Variants in PHLDB1 observed in about 807,000 individuals in gnomAD.
PHLDB1 encodes pleckstrin homology like domain family B member 1.
PHLDB1 carries 65 observed loss-of-function variants against 139.3 expected under a neutral mutation model. The observed-to-expected ratio is 0.47, with a 90% CI of 0.38 to 0.57. The LOEUF (loss-of-function observed/expected upper bound fraction) is 0.57, where lower values mean the gene tolerates loss of function less well. Among genes scored for constraint, PHLDB1 ranks in the 20% least tolerant of loss-of-function variants. The pLI, the probability that PHLDB1 is intolerant of heterozygous loss-of-function variation, is 0.00. For synonymous variants in PHLDB1, 679 were observed against 734.5 expected (o/e 0.92, Z 1.22); for missense variants, 1,624 against 1,839.7 (o/e 0.88, Z 2.14).
chr11:118,647,981 C>T lies in PHLDB1; in HGVS notation c.3559C>T (p.Arg1187Cys), dbSNP rs782373822. 48 of 1,599,138 alleles carry T rather than the reference C, an allele frequency of 3.0e-5. No homozygotes were observed. In the African/African-American group the frequency reaches 5.5e-4, roughly 18 times the overall value. ...RQALEEERRR[R>C]EQVERRLQSE... ...GGCCCTGGAGGAGGAGCGGCGGAGG[C>T]GTGAGCAGGTAGAACGGAGGCTGCA... Residue 1187 changes from arginine (R) to cysteine (C), a missense_variant, in exon 18 of 23, where the codon CGT becomes TGT. Transcript: ENST00000600882.
chr11:118,642,110 C>T (rs2136591314), intron 12 of PHLDB1, 144 bp from the exon 13 acceptor site: 1 of 776,496 alleles, frequency 1.3e-6, no homozygotes, highest in South Asian at 1.5e-5. Flanking sequence ...CCTGATGTGG[C>T]CTTCCTTTTT....
intron 12 of PHLDB1, chr11:118,641,299 C>T (rs1946472583): frequency 6.4e-6 from 1 of 156,778 alleles, no homozygotes; most frequent in East Asian, 1.9e-4. Context: ...CCCCTTGGGC[C>T]TGGGTGGAGC....
intron 18 of PHLDB1, among the ~76,000 whole-genome samples, chr11:118,648,664 C>T (rs576686983): frequency 3.3e-5 from 5 of 152,288 alleles, no homozygotes; most frequent in South Asian, 2.1e-4. Context: ...AGTTTCTCTT[C>T]GGGACAGAAA....
At chr11:118,623,533 G>A (rs557159611) in intron 4 of PHLDB1, among the ~76,000 whole-genome samples, 24 of 152,336 alleles carry the variant, frequency 1.6e-4, no homozygotes, top group African/African-American at 5.5e-4. Flanking sequence ...GGCTGAGGCC[G>A]GGCCTGGTGG....
chr11:118,613,767 C>G, intron 1 of PHLDB1, 49 bp from the exon 2 acceptor site: 1 of 1,170,120 alleles, frequency 8.5e-7, no homozygotes, highest in Non-Finnish European at 1.3e-6. Flanking sequence ...ACTTCTTTCC[C>G]TCTCCTGCCC....
At position 118,616,152 on chromosome 11, in the gene PHLDB1, G is replaced by C. The variant is rs781933496; in HGVS notation, c.296G>C (p.Cys99Ser). The change falls in exon 4 of 23, where the codon TGT (cysteine) becomes TCT (serine). Residue 99 changes from cysteine to serine, a missense_variant. Coordinates refer to ENST00000600882, the MANE Select transcript of PHLDB1 (RefSeq NM_001144758.3). ...CGGGGCACCCTCACCCTCTACCCCT[G>C]TGGCAATGCCTGCACTATTGATGGG... ...NLRGTLTLYP[C>S]GNACTIDGLP... is the part of the protein sequence containing the mutation. 6.2e-7 allele frequency: 1 copy of C among 1,614,148 alleles called. No homozygotes were observed. The highest frequency in any genetic ancestry group is 8.5e-7 in the Non-Finnish European group (1 of 1,180,022).
rs144340406 is a variant in PHLDB1 at position 118,631,007 on chromosome 11, G to A, written c.1828-200G>A. 9.7e-3 allele frequency among the ~76,000 whole-genome samples: 1,417 copies of A among 145,764 alleles called. 14 individuals carry two copies. The highest frequency in any genetic ancestry group is 0.02 in the Middle Eastern group (6 of 294). The stretch of plus-strand genomic sequence containing the variant: ...TGTGGGCATGTGGCACAACAGCCTC[G>A]TTCTTCCTGCCCACTTCTGGGGCAC... On this transcript the variant is annotated intron_variant, in intron 6 of 22. Coordinates refer to ENST00000600882, the MANE Select transcript of PHLDB1 (RefSeq NM_001144758.3).
At position 118,611,400 on chromosome 11, in the gene PHLDB1, A is replaced by G. The variant is rs1472686000; in HGVS notation, c.-21-2416A>G. ...ATCACTCTTGTTCTCCATCGGCCTT[A>G]CTCCTTTACAATCTTTATCTCCACT... On this transcript the variant is annotated intron_variant, in intron 1 of 22. Coordinates refer to ENST00000600882, the MANE Select transcript of PHLDB1 (RefSeq NM_001144758.3). This position sits in a 1 kb window ranked among gnomAD's most constrained non-coding sequence, Gnocchi z 4.7. 6.6e-6 allele frequency among the ~76,000 whole-genome samples: 1 copy of G among 151,752 alleles called. No homozygotes were observed. Among genetic ancestry groups the G allele is most frequent in the African/African-American group, 2.4e-5 (1 of 41,262 alleles).
chr11:118,622,542 T>C (rs528881442), intron 4 of PHLDB1, among the ~76,000 whole-genome samples: 3 of 152,126 alleles, frequency 2.0e-5, no homozygotes, highest in South Asian at 4.2e-4. Context: ...CACACAGCTA[T>C]AGGGGCCCAG....
chr11:118,655,736 G>C, intron 21 of PHLDB1, 46 bp downstream of exon 21: 1 of 1,533,414 alleles, frequency 6.5e-7, no homozygotes, highest in Non-Finnish European at 9.0e-7. Flanking sequence ...GACAGCCATG[G>C]GGAAGGGGTG....
At chr11:118,631,880 G>C (rs781926015) in intron 7 of PHLDB1, 33 bp from the exon 8 acceptor site, 12 of 1,580,692 alleles carry the variant, frequency 7.6e-6, no homozygotes, top group Middle Eastern at 1.7e-4. Context: ...AAGGCTCTAG[G>C]CTTCCTCAGT....
In PHLDB1 at chr11:118,620,075, T is replaced by C. The variant is rs1483430735; in HGVS notation, c.355+3864T>C. Reference sequence around the variant, plus strand: ...GTGTTGGTGTGTATCTGAGAGACACTGTGTCAGGCTGTGTGAGCTGCTGAG... The same window carrying C: ...GTGTTGGTGTGTATCTGAGAGACACCGTGTCAGGCTGTGTGAGCTGCTGAG... On this transcript the variant is annotated intron_variant, in intron 4 of 22. Transcript: ENST00000600882. The surrounding 1 kb of genome is among the most constrained non-coding windows in gnomAD (Gnocchi z 4.1). Among the ~76,000 whole-genome samples the C allele has an allele frequency of 2.6e-5, 4 of 152,202 alleles. No individual in the cohort carries two copies. The highest frequency in any genetic ancestry group is 5.9e-5 in the Non-Finnish European group (4 of 68,036).
chr11:118,648,206 A>G lies in PHLDB1; in HGVS notation c.3654+130A>G, dbSNP rs146777351. ...TCCAGAAAAGATTGCTGTTGGCTTA[A>G]TACTAGCAGAATTCTACCTGGGACT... On this transcript the variant is annotated intron_variant, in intron 18 of 22. Coordinates refer to ENST00000600882, the MANE Select transcript of PHLDB1 (RefSeq NM_001144758.3). 745 of 931,460 alleles carry G rather than the reference A, an allele frequency of 8.0e-4. 4 individuals carry two copies. In the African/African-American group the frequency reaches 8.0e-3, roughly 10 times the overall value. The allele number at this position is 931,460 out of a possible 1,614,324, so 57.7% of individuals were successfully genotyped here. A position where few individuals can be genotyped will look rare whatever the true frequency, so the allele number is the denominator to read the frequency against.
intron 6 of PHLDB1, 119 bp from the exon 7 acceptor site, chr11:118,631,088 C>T (rs1476155931): frequency 1.1e-6 from 1 of 889,818 alleles, no homozygotes; most frequent in South Asian, 3.9e-5. Context: ...TGACTTGACA[C>T]TGATGTCCTA....
At chr11:118,629,460 G>A (rs1407813264) in intron 6 of PHLDB1, among the ~76,000 whole-genome samples, 3 of 152,216 alleles carry the variant, frequency 2.0e-5, no homozygotes, top group Admixed American at 2.0e-4. Flanking sequence ...ACACAGTCGA[G>A]CCCATGTACA....
intron 4 of PHLDB1, among the ~76,000 whole-genome samples, chr11:118,621,141 T>C (rs549551281): frequency 8.5e-5 from 13 of 152,228 alleles, no homozygotes; most frequent in African/African-American, 3.1e-4. Flanking sequence ...CTGGCCTCTG[T>C]ACTTACCTCT....
At chr11:118,648,449 C>G (rs546037408) in intron 18 of PHLDB1, among the ~76,000 whole-genome samples, 6 of 152,074 alleles carry the variant, frequency 3.9e-5, no homozygotes, top group African/African-American at 1.4e-4. Flanking sequence ...CAGAGTGGCT[C>G]CCCTTGGCCT....
chr11:118,628,718 G>A, intron 6 of PHLDB1, 68 bp downstream of exon 6: 1 of 1,474,988 alleles, frequency 6.8e-7, no homozygotes, highest in Non-Finnish European at 9.1e-7. Context: ...GAGCAGGCCA[G>A]CTGGCAGAGC....
At chr11:118,635,580 G>T in intron 10 of PHLDB1, 32 bp downstream of exon 10, 4 of 1,471,786 alleles carry the variant, frequency 2.7e-6, no homozygotes, top group Non-Finnish European at 3.6e-6. Flanking sequence ...GCTGCGTGCT[G>T]TTGGAGGCCA....
Sources: gnomAD v4.1 joint callset for allele counts (sites outside exome capture counted in the v4.1 genomes callset) on GRCh38, gnomAD v4.1.1 for gene constraint, Gnocchi (gnomAD v3.1) non-coding constraint, MANE v1.5 for transcripts, NCBI Gene and HGNC (gene_info 2026-07-23, HGNC 2026-07-21) for gene names.